KSR2: variants seen among roughly 807,000 people sequenced by gnomAD.
The protein encoded by KSR2 is kinase suppressor of ras 2.
In KSR2, 25 loss-of-function variants were observed where a neutral mutation model predicts 107.8. The ratio of observed to expected loss-of-function variants is 0.23; its 90% CI spans 0.17 to 0.32. KSR2 has a LOEUF of 0.32. Among genes scored for constraint, KSR2 ranks in the 10% least tolerant of loss-of-function variants. KSR2 has a pLI of 1.00. For synonymous variants in KSR2, 480 were observed against 507.0 expected (o/e 0.95, Z 0.71); for missense variants, 887 against 1,268.9 (o/e 0.70, Z 4.57).
intron 3 of KSR2, among the ~76,000 whole-genome samples, chr12:117,786,710 G>T (rs903338180): frequency 1.3e-5 from 2 of 152,160 alleles, no homozygotes; most frequent in African/African-American, 4.8e-5. Flanking sequence ...CAGTTACTCA[G>T]GAGGCTGAGG....
At position 117,842,719 on chromosome 12, in the gene KSR2, G is replaced by T. The variant is rs529555871; in HGVS notation, c.472+12709C>A. 2.0e-5 allele frequency among the ~76,000 whole-genome samples: 3 copies of T among 152,144 alleles called. No homozygotes were observed. The highest frequency in any genetic ancestry group is 6.5e-5 in the Admixed American group (1 of 15,272). ...AGTCGGGTTCTCTTTGTTCTCATTG[G>T]GGGGGTTCCACAAAAGCCAGATGCT... On this transcript the variant is annotated intron_variant, in intron 3 of 19. Coordinates refer to ENST00000339824, the MANE Select transcript of KSR2 (RefSeq NM_173598.6). This position sits in a 1 kb window ranked among gnomAD's most constrained non-coding sequence, Gnocchi z 4.2.
At chr12:117,604,952 T>C (rs1264544993) in intron 5 of KSR2, among the ~76,000 whole-genome samples, 2 of 152,222 alleles carry the variant, frequency 1.3e-5, no homozygotes, top group Non-Finnish European at 2.9e-5. Flanking sequence ...GATTTTTATA[T>C]AAAATTTCTC....
At chr12:117,961,826 T>C (rs957636571) in intron 1 of KSR2, among the ~76,000 whole-genome samples, 2 of 151,710 alleles carry the variant, frequency 1.3e-5, no homozygotes, top group African/African-American at 4.8e-5. Flanking sequence ...CAATAGAAAA[T>C]TGAGATGGAA....
At chr12:117,524,724 A>C (rs924217888) in intron 14 of KSR2, 128 bp downstream of exon 14, 33 of 1,138,430 alleles carry the variant, frequency 2.9e-5, no homozygotes, top group African/African-American at 4.7e-5. Flanking sequence ...CCATGTAAGT[A>C]AACTGTGCAT....
intron 10 of KSR2, among the ~76,000 whole-genome samples, chr12:117,532,529 G>C (rs1302292683): frequency 2.6e-5 from 4 of 152,134 alleles, no homozygotes; most frequent in Non-Finnish European, 1.5e-5. Context: ...CTGTAAAGCA[G>C]CATCTTCCCA....
At chr12:117,665,664 C>A (rs576529737) in intron 5 of KSR2, among the ~76,000 whole-genome samples, 17 of 152,318 alleles carry the variant, frequency 1.1e-4, no homozygotes, top group African/African-American at 4.1e-4. Context: ...TAAAAGCCAC[C>A]ATTTATTATG....
intron 5 of KSR2, among the ~76,000 whole-genome samples, chr12:117,654,978 C>A (rs979401485): frequency 2.0e-5 from 3 of 152,230 alleles, no homozygotes; most frequent in African/African-American, 7.2e-5. Context: ...CAAGGCTGAC[C>A]TGGCTACGGC....
intron 1 of KSR2, among the ~76,000 whole-genome samples, chr12:117,938,993 CAAAA>C (rs746717734): frequency 1.6e-5 from 2 of 126,026 alleles, no homozygotes; most frequent in Admixed American, 8.1e-5. Context: ...CATCTGGGGT[CAAAA>C]AAAAAAAAAG....
At chr12:117,822,466 T>C (rs868131546) in intron 3 of KSR2, among the ~76,000 whole-genome samples, 1 of 151,974 alleles carries the variant, frequency 6.6e-6, no homozygotes, top group Non-Finnish European at 1.5e-5. Context: ...GAAAAACAAA[T>C]CATAAGTTGA....
chr12:117,848,835 G>A (rs368696761), intron 3 of KSR2, among the ~76,000 whole-genome samples: 616 of 40,168 alleles, frequency 0.015, 2 homozygotes, highest in African/African-American at 0.046. Flanking sequence ...GATGGTGGTA[G>A]TGGTGGTGAT....
intron 5 of KSR2, among the ~76,000 whole-genome samples, chr12:117,632,855 C>T (rs1459134205): frequency 2.0e-5 from 3 of 152,324 alleles, no homozygotes; most frequent in East Asian, 3.9e-4. Flanking sequence ...CATGTTGCTG[C>T]AAAGGACATG....
intron 5 of KSR2, among the ~76,000 whole-genome samples, chr12:117,634,710 T>C (rs1882978200): frequency 6.6e-6 from 1 of 152,086 alleles, no homozygotes; most frequent in Non-Finnish European, 1.5e-5. Context: ...CATTCAGAAC[T>C]CCAGAGATGA....
chr12:117,848,224 C>T (rs1892769818), intron 3 of KSR2, among the ~76,000 whole-genome samples: 1 of 152,200 alleles, frequency 6.6e-6, no homozygotes, highest in Non-Finnish European at 1.5e-5. Flanking sequence ...AAGAAGGCCA[C>T]AGCAACAGCA....
rs1047098561 is a variant in KSR2 at position 117,458,761 on chromosome 12, T to C, written c.*8438A>G. The C allele has an allele frequency of 1.3e-5, 2 of 152,118 alleles. No homozygotes were observed. The highest frequency in any genetic ancestry group is 4.8e-5 in the African/African-American group (2 of 41,418). 9.4% of individuals were successfully genotyped at this position (152,118 alleles called of 1,614,324 possible). On this transcript the variant is annotated 3_prime_UTR_variant, in exon 20 of 20. Transcript: ENST00000339824. ...TATTTCAAGAGCTCAGGAGTAGAGCTGGTGGTCCACTAGGACCTCAAGATC... is the reference window on the plus strand; with the variant it reads ...TATTTCAAGAGCTCAGGAGTAGAGCCGGTGGTCCACTAGGACCTCAAGATC...
At chr12:117,869,109 C>T (rs905270523) in intron 1 of KSR2, among the ~76,000 whole-genome samples, 2 of 151,792 alleles carry the variant, frequency 1.3e-5, no homozygotes, top group African/African-American at 4.8e-5. Flanking sequence ...CGGTGGCTCA[C>T]GCCTGTAATC....
intron 3 of KSR2, among the ~76,000 whole-genome samples, chr12:117,795,134 C>T (rs77454973): frequency 0.015 from 2,258 of 152,226 alleles, 22 homozygotes; most frequent in East Asian, 0.03. Flanking sequence ...CAAAGGACAC[C>T]GACTCATCAT....
intron 10 of KSR2, among the ~76,000 whole-genome samples, chr12:117,538,543 AT>A (rs1396211634): frequency 1.3e-5 from 2 of 151,798 alleles, no homozygotes; most frequent in African/African-American, 4.8e-5. Flanking sequence ...AGGACCTGGG[AT>A]TTTTTTCATA....
At chr12:117,795,573 G>A (rs1890594885) in intron 3 of KSR2, among the ~76,000 whole-genome samples, 2 of 152,210 alleles carry the variant, frequency 1.3e-5, no homozygotes, top group Non-Finnish European at 2.9e-5. Flanking sequence ...GAAAGAGGTT[G>A]CGACAGCTTC....
At chr12:117,497,789 C>T (rs762874084) in intron 14 of KSR2, among the ~76,000 whole-genome samples, 1 of 152,162 alleles carries the variant, frequency 6.6e-6, no homozygotes, top group Non-Finnish European at 1.5e-5. Context: ...CAGTCTGAAT[C>T]GAATTCATAT....
Sources: gnomAD v4.1 joint callset for allele counts (sites outside exome capture counted in the v4.1 genomes callset) on GRCh38, gnomAD v4.1.1 for gene constraint, Gnocchi (gnomAD v3.1) non-coding constraint, MANE v1.5 for transcripts, NCBI Gene and HGNC (gene_info 2026-07-23, HGNC 2026-07-21) for gene names.